ARHGEF3: variants seen among roughly 807,000 people sequenced by gnomAD.
ARHGEF3 encodes the protein 59.8 kDA protein.
ARHGEF3 carries 28 observed loss-of-function variants against 63.2 expected under a neutral mutation model. The observed-to-expected ratio is 0.44, with a 90% CI of 0.33 to 0.61. The LOEUF (loss-of-function observed/expected upper bound fraction) is 0.61, where lower values mean the gene tolerates loss of function less well. Among genes scored for constraint, ARHGEF3 ranks in the 20% least tolerant of loss-of-function variants. The pLI is 0.03. For synonymous variants in ARHGEF3, 266 were observed against 254.2 expected (o/e 1.05, Z -0.44); for missense variants, 533 against 659.3 (o/e 0.81, Z 2.10).
chr3:56,893,915 T>A (rs768044941), intron 3 of ARHGEF3, among the ~76,000 whole-genome samples: 45 of 151,038 alleles, frequency 3.0e-4, no homozygotes, highest in Non-Finnish European at 6.3e-4. Flanking sequence ...TACAAAGAAG[T>A]TATTACATAT....
intron 3 of ARHGEF3, chr3:56,941,130 G>C (rs1209939388): frequency 6.5e-6 from 1 of 152,774 alleles, no homozygotes; most frequent in Non-Finnish European, 1.5e-5. Context: ...ACATCTTGAA[G>C]CACTGCAGAG....
chr3:57,050,065 C>G (rs1416901321), intron 1 of ARHGEF3, among the ~76,000 whole-genome samples: 5 of 152,180 alleles, frequency 3.3e-5, no homozygotes, highest in African/African-American at 9.7e-5. Context: ...ATCCAGAGAC[C>G]TGCAAGGTGT....
chr3:56,956,217 GTTTTTT>G (rs57803439), intron 3 of ARHGEF3, among the ~76,000 whole-genome samples: 17,501 of 149,874 alleles, frequency 0.12, 1,272 homozygotes, highest in East Asian at 0.26. Context: ...CAGGGTTGGT[GTTTTTT>G]TTTTTTTTGT....
At chr3:56,878,296 G>C (rs748641637) in intron 4 of ARHGEF3, among the ~76,000 whole-genome samples, 13 of 152,252 alleles carry the variant, frequency 8.5e-5, no homozygotes, top group Non-Finnish European at 1.8e-4. Flanking sequence ...TGACGTGAGG[G>C]GAGATTCGTA....
At chr3:57,042,684 A>T (rs1305702264) in intron 1 of ARHGEF3, among the ~76,000 whole-genome samples, 29 of 9,842 alleles carry the variant, frequency 2.9e-3, no homozygotes, top group East Asian at 0.015. Context: ...ATATATATAT[A>T]TATATATATA....
intron 2 of ARHGEF3, among the ~76,000 whole-genome samples, chr3:56,771,021 G>A (rs1037649564): frequency 1.3e-5 from 2 of 151,748 alleles, no homozygotes; most frequent in African/African-American, 2.4e-5. Context: ...GCTGAGGCAG[G>A]AGAATCGCTT....
intron 4 of ARHGEF3, among the ~76,000 whole-genome samples, chr3:56,856,702 T>TG (rs1491044368): frequency 7.3e-5 from 3 of 41,018 alleles, no homozygotes; most frequent in Non-Finnish European, 1.6e-4. Context: ...TCTTGAGAGG[T>TG]TTTTTGTTTT....
At chr3:56,941,648 T>C (rs1367781153) in intron 3 of ARHGEF3, among the ~76,000 whole-genome samples, 1 of 152,072 alleles carries the variant, frequency 6.6e-6, no homozygotes, top group African/African-American at 2.4e-5. Flanking sequence ...TTGCTAATTA[T>C]AAAGGCAATA....
intron 2 of ARHGEF3, among the ~76,000 whole-genome samples, chr3:57,034,781 C>T (rs1703882503): frequency 6.6e-6 from 1 of 151,272 alleles, no homozygotes; most frequent in African/African-American, 2.4e-5. Context: ...CTCAGCCTCC[C>T]AAGTAGCTGG....
intron 1 of ARHGEF3, among the ~76,000 whole-genome samples, chr3:56,799,488 A>C (rs938263108): frequency 3.3e-5 from 5 of 152,236 alleles, no homozygotes; most frequent in African/African-American, 1.2e-4. Flanking sequence ...TCTTTCCACA[A>C]AGAAAACAAT....
rs746792579 is a variant in ARHGEF3, at chr3:56,746,267, G to T, written c.613-805C>A. 2.0e-5 allele frequency among the ~76,000 whole-genome samples: 3 copies of T among 152,182 alleles called. No homozygotes were observed. In the East Asian group the frequency reaches 5.8e-4, roughly 29 times the overall value. On this transcript the variant is annotated intron_variant, in intron 6 of 9. Coordinates refer to ENST00000296315, the MANE Select transcript of ARHGEF3 (RefSeq NM_019555.3). ...CCTTGTAACACCTGCTCTTCAGAGG[G>T]ATTCAGTGCAAGACACTGGCAAAGG...
At chr3:56,849,204 GT>G (rs896744687) in intron 4 of ARHGEF3, among the ~76,000 whole-genome samples, 19 of 152,146 alleles carry the variant, frequency 1.2e-4, no homozygotes, top group African/African-American at 4.3e-4. Context: ...TAGCACCTAA[GT>G]GTCCTGTACC....
chr3:56,815,514 T>C (rs934047281), intron 4 of ARHGEF3, among the ~76,000 whole-genome samples: 21 of 152,200 alleles, frequency 1.4e-4, no homozygotes, highest in African/African-American at 5.1e-4. Flanking sequence ...TTAAGCTCAA[T>C]GTACTCATTT....
chr3:56,740,007 C>T (rs919151133), intron 7 of ARHGEF3, among the ~76,000 whole-genome samples: 1 of 151,482 alleles, frequency 6.6e-6, no homozygotes, highest in South Asian at 2.1e-4. Context: ...TCAAGCGATT[C>T]TCCTGCCTCA....
chr3:56,934,921 T>C (rs1326535245), intron 3 of ARHGEF3, among the ~76,000 whole-genome samples: 3 of 152,260 alleles, frequency 2.0e-5, no homozygotes, highest in East Asian at 3.8e-4. Context: ...TGAAGCCAGC[T>C]GGGCTCCTGA....
At chr3:56,985,123 T>C (rs960296250) in intron 2 of ARHGEF3, among the ~76,000 whole-genome samples, 1 of 152,260 alleles carries the variant, frequency 6.6e-6, no homozygotes, top group African/African-American at 2.4e-5. Flanking sequence ...AGTCTCACTC[T>C]GTCGCCCAGG....
rs1460972389 is a variant in ARHGEF3, at chr3:56,799,590, G to A, written c.96+2113C>T. 3.9e-5 allele frequency among the ~76,000 whole-genome samples: 6 copies of A among 152,128 alleles called. No homozygotes were observed. In the East Asian group the frequency reaches 1.2e-3, roughly 29 times the overall value. ...CATGTTTTTCAAAAGGCTGACAAGC[G>A]AATGCTATTTTTTAATTTATGAATA... On this transcript the variant is annotated intron_variant, in intron 1 of 9. Transcript: ENST00000296315.
chr3:57,028,878 C>T (rs1343419812), intron 2 of ARHGEF3, among the ~76,000 whole-genome samples: 1 of 151,874 alleles, frequency 6.6e-6, no homozygotes, highest in Non-Finnish European at 1.5e-5. Flanking sequence ...ATTAGCCATG[C>T]TCACTGGAGA....
chr3:56,859,470 C>A (rs1559999009), intron 4 of ARHGEF3, among the ~76,000 whole-genome samples: 2 of 151,724 alleles, frequency 1.3e-5, no homozygotes, highest in Non-Finnish European at 2.9e-5. Flanking sequence ...TAAAAGCACA[C>A]CACCTTGTTG....
Sources: allele counts gnomAD v4.1 joint callset (sites outside exome capture counted in the v4.1 genomes callset), GRCh38; gene constraint gnomAD v4.1.1; transcripts MANE v1.5; gene names NCBI Gene and HGNC (gene_info 2026-07-23, HGNC 2026-07-21).